The following GALNT17 variants were observed in gnomAD, a reference collection of about 807,000 sequenced individuals.
GALNT17 encodes polypeptide N-acetylgalactosaminyltransferase 17, also known as UDP-GalNAc:polypeptide N-acetylgalactosaminyltransferase-like 3.
GALNT17 carries 29 observed loss-of-function variants against 63.7 expected under a neutral mutation model. The observed-to-expected ratio is 0.46, with a 90% CI of 0.34 to 0.62. The LOEUF (loss-of-function observed/expected upper bound fraction) is 0.62, where lower values mean the gene tolerates loss of function less well. Among genes scored for constraint, GALNT17 ranks in the 20% least tolerant of loss-of-function variants. The probability of loss-of-function intolerance (pLI) is 0.01; values close to 1 mark genes in which losing one functional copy is unlikely to be tolerated. For missense variants in GALNT17, 603 were observed against 799.6 expected (o/e 0.75, Z 2.97); for synonymous variants, 305 against 318.3 (o/e 0.96, Z 0.45).
chr7:71,149,654 T>C (rs1788095900), intron 1 of GALNT17, among the ~76,000 whole-genome samples: 1 of 152,098 alleles, frequency 6.6e-6, no homozygotes, highest in African/African-American at 2.4e-5. Flanking sequence ...TAGAACAAAA[T>C]GTGAGAAAAG....
chr7:71,595,916 G>A (rs759005003), intron 6 of GALNT17, among the ~76,000 whole-genome samples: 3 of 152,144 alleles, frequency 2.0e-5, no homozygotes, highest in Non-Finnish European at 2.9e-5. Context: ...GGAATCAATG[G>A]GAGATGAGGA....
At chr7:71,452,822 GT>G (rs1393979958) in intron 5 of GALNT17, among the ~76,000 whole-genome samples, 2 of 152,104 alleles carry the variant, frequency 1.3e-5, no homozygotes, top group Admixed American at 6.6e-5. Context: ...TAAGCATCTT[GT>G]TTTTTTGTTG....
At chr7:71,481,811 C>A (rs1583990633) in intron 5 of GALNT17, among the ~76,000 whole-genome samples, 1 of 152,040 alleles carries the variant, frequency 6.6e-6, no homozygotes, top group East Asian at 2.0e-4. Flanking sequence ...GGCACTTCGA[C>A]AAGTTTCATT....
At chr7:71,639,932 C>T (rs1790580600) in intron 6 of GALNT17, among the ~76,000 whole-genome samples, 1 of 152,090 alleles carries the variant, frequency 6.6e-6, no homozygotes. Flanking sequence ...GCACCATTTG[C>T]TCTGAATAAG....
chr7:71,414,222 C>T (rs1034402396), intron 3 of GALNT17, among the ~76,000 whole-genome samples: 2 of 151,396 alleles, frequency 1.3e-5, no homozygotes, highest in East Asian at 1.9e-4. Flanking sequence ...GCCTGGGCAA[C>T]GAAAGAGAAA....
At chr7:71,557,300 T>C (rs539288622) in intron 5 of GALNT17, among the ~76,000 whole-genome samples, 70 of 152,306 alleles carry the variant, frequency 4.6e-4, no homozygotes, top group Non-Finnish European at 8.2e-4. Flanking sequence ...CTCAATACTC[T>C]TTCTTTCTTT....
At position 71,480,468 on chromosome 7, in the gene GALNT17, C is replaced by T. The variant is rs571807525; in HGVS notation, c.962+59363C>T. On this transcript the variant is annotated intron_variant, in intron 5 of 10. Transcript: ENST00000333538. ...ATACGTGGCATCCTCTGCAATGCCT[C>T]GAACAGCCAGTGCAGTGCATGGTGA... Among the ~76,000 whole-genome samples, 28 of 152,160 alleles carry T rather than the reference C, an allele frequency of 1.8e-4. No homozygotes were observed. The South Asian group carries it at 3.5e-3, about 19-fold the overall frequency.
chr7:71,642,828 C>A (rs1029024823), intron 6 of GALNT17, among the ~76,000 whole-genome samples: 1 of 145,670 alleles, frequency 6.9e-6, no homozygotes, highest in Admixed American at 6.8e-5. Context: ...GAGTGAGACT[C>A]TGTCTCAAAA....
chr7:71,595,202 G>A (rs989942260), intron 6 of GALNT17, among the ~76,000 whole-genome samples: 8 of 152,226 alleles, frequency 5.3e-5, no homozygotes, highest in South Asian at 2.1e-4. Flanking sequence ...CCTGAGAATC[G>A]CTAGAGGTTA....
At chr7:71,150,947 A>G (rs1223719483) in intron 1 of GALNT17, among the ~76,000 whole-genome samples, 2 of 147,318 alleles carry the variant, frequency 1.4e-5, no homozygotes, top group East Asian at 4.0e-4. Context: ...ACTGCACTCC[A>G]GCCTGGGGAA....
intron 1 of GALNT17, among the ~76,000 whole-genome samples, chr7:71,161,188 T>G (rs375665138): frequency 6.6e-6 from 1 of 152,210 alleles, no homozygotes; most frequent in Non-Finnish European, 1.5e-5. Context: ...TCACCAGCAA[T>G]GTATAAAATC....
rs551313451 is a variant in GALNT17, at chr7:71,646,806, G to A, written c.1081-18605G>A. Reference sequence around the variant, plus strand: ...CTGTCACCCAGGCTGGAGTGCAGTGGTGCTATCTCAGCTCACTGCAAGTTC... The same window carrying A: ...CTGTCACCCAGGCTGGAGTGCAGTGATGCTATCTCAGCTCACTGCAAGTTC... On this transcript the variant is annotated intron_variant, in intron 6 of 10. Transcript: ENST00000333538. Among the ~76,000 whole-genome samples the A allele has an allele frequency of 3.3e-5, 5 of 149,578 alleles. No homozygotes were observed. The South Asian group carries it at 1.1e-3, about 32-fold the overall frequency.
At chr7:71,696,069 T>G (rs1004372602) in intron 9 of GALNT17, among the ~76,000 whole-genome samples, 2 of 152,194 alleles carry the variant, frequency 1.3e-5, no homozygotes, top group Non-Finnish European at 2.9e-5. Flanking sequence ...ATGGAATATA[T>G]CTCTCTGTCT....
intron 6 of GALNT17, among the ~76,000 whole-genome samples, chr7:71,616,657 A>G (rs1484972438): frequency 7.0e-6 from 1 of 142,106 alleles, no homozygotes; most frequent in Admixed American, 7.3e-5. Flanking sequence ...ATGTATAATT[A>G]TAATCATAAC....
At chr7:71,297,930 G>C (rs1005800513) in intron 1 of GALNT17, among the ~76,000 whole-genome samples, 3 of 152,214 alleles carry the variant, frequency 2.0e-5, no homozygotes, top group African/African-American at 7.2e-5. Context: ...GAGTCAGGAA[G>C]GCACTTTTGT....
chr7:71,293,851 T>C (rs1562977108), intron 1 of GALNT17, among the ~76,000 whole-genome samples: 1 of 152,222 alleles, frequency 6.6e-6, no homozygotes, highest in Non-Finnish European at 1.5e-5. Flanking sequence ...CACTTTTCTC[T>C]TTCTGCTTTG....
intron 3 of GALNT17, among the ~76,000 whole-genome samples, chr7:71,409,419 G>A (rs1005724027): frequency 3.3e-5 from 5 of 152,126 alleles, no homozygotes; most frequent in African/African-American, 9.7e-5. Context: ...CTGGTGATTC[G>A]GATGCAGGTT....
chr7:71,160,210 T>C (rs1274490850), intron 1 of GALNT17, among the ~76,000 whole-genome samples: 2 of 152,266 alleles, frequency 1.3e-5, no homozygotes, highest in Non-Finnish European at 2.9e-5. Flanking sequence ...CTTTTTATCC[T>C]GTCAACATTT....
At chr7:71,231,759 AGAGAGG>A (rs145525027) in intron 1 of GALNT17, among the ~76,000 whole-genome samples, 2 of 150,334 alleles carry the variant, frequency 1.3e-5, no homozygotes, top group East Asian at 2.0e-4. Context: ...GGAGAGAGAG[AGAGAGG>A]GAGAGGGAGA....
Sources: allele counts gnomAD v4.1 joint callset (sites outside exome capture counted in the v4.1 genomes callset), GRCh38; gene constraint gnomAD v4.1.1; transcripts MANE v1.5; gene names NCBI Gene and HGNC (gene_info 2026-07-23, HGNC 2026-07-21).